The following IMPACT variants were observed in gnomAD, a reference collection of about 807,000 sequenced individuals.
IMPACT encodes protein IMPACT.
In IMPACT, 35 loss-of-function variants were observed where a neutral mutation model predicts 47.5. The observed-to-expected ratio is 0.74, with a 90% CI of 0.56 to 0.98. IMPACT has a LOEUF of 0.98. Ranked by LOEUF, IMPACT falls within the 50% of genes least tolerant of loss-of-function variation. IMPACT has a pLI of 0.00. For synonymous variants in IMPACT, 118 were observed against 125.6 expected, an observed-to-expected ratio of 0.94 and a Z score of 0.40; for missense variants, 373 against 394.8, an observed-to-expected ratio of 0.94 and a Z score of 0.47.
chr18:24,451,443 A>G lies in IMPACT; in HGVS notation c.*596A>G, dbSNP rs1909381744. On this transcript the variant is annotated 3_prime_UTR_variant, in exon 11 of 11. Transcript: ENST00000284202. ...GTGCTGAGGTGATAATTCATCCAAC[A>G]TATTTGTTAGCATAAATATTATGCT... 2 of 152,328 alleles carry G rather than the reference A, an allele frequency of 1.3e-5. No individual in the cohort carries two copies. The highest frequency in any genetic ancestry group is 4.1e-4 in the South Asian group (2 of 4,824). 9.4% of individuals were successfully genotyped at this position (152,328 alleles called of 1,614,324 possible).
At position 24,430,888 on chromosome 18, in the gene IMPACT, A is replaced by C. The variant is rs561002083; in HGVS notation, c.281+504A>C. ...GAATGAAATTGATTACAGAATCCTA[A>C]GCATAATTATTTCTTAAATGTCTAT... On this transcript the variant is annotated intron_variant, in intron 4 of 10. Coordinates refer to ENST00000284202, the MANE Select transcript of IMPACT (RefSeq NM_018439.4). 5.1e-3 allele frequency among the ~76,000 whole-genome samples: 773 copies of C among 152,364 alleles called. 2 individuals are homozygous for C. Among genetic ancestry groups the C allele is most frequent in the South Asian group, 0.027 (132 of 4,830 alleles).
chr18:24,444,420 C>T (rs1223935697), intron 7 of IMPACT, among the ~76,000 whole-genome samples: 1 of 152,198 alleles, frequency 6.6e-6, no homozygotes, highest in Non-Finnish European at 1.5e-5. Flanking sequence ...TCAGTCTTCC[C>T]TGCCACCAAT....
At position 24,426,749 on chromosome 18, in the gene IMPACT, G is replaced by C. The variant is rs766600518; in HGVS notation, c.-8G>C. On this transcript the variant is annotated 5_prime_UTR_variant, in exon 1 of 11. Coordinates refer to ENST00000284202, the MANE Select transcript of IMPACT (RefSeq NM_018439.4). ...AGGCGGCGGCTGCAGGGCAGGTCCAGGGGCCACATGGCTGAGGGGGACGCA... is the reference window on the plus strand; with the variant it reads ...AGGCGGCGGCTGCAGGGCAGGTCCACGGGCCACATGGCTGAGGGGGACGCA... 227 of 1,244,442 alleles carry C rather than the reference G, an allele frequency of 1.8e-4. No individual in the cohort carries two copies. The highest frequency in any genetic ancestry group is 2.3e-4 in the Non-Finnish European group (226 of 992,654). The allele number at this position is 1,244,442 out of a possible 1,614,324, so 77.1% of individuals were successfully genotyped here.
rs762588577 is a variant in IMPACT at position 24,449,802 on chromosome 18, C to T, written c.760-17C>T. 6.9e-6 allele frequency: 11 copies of T among 1,604,096 alleles called. No individual in the cohort carries two copies. The highest frequency in any genetic ancestry group is 8.5e-6 in the Non-Finnish European group (10 of 1,172,504). On this transcript the variant is annotated splice_polypyrimidine_tract_variant and intron_variant, in intron 9 of 10. Transcript: ENST00000284202. ...ATGTCTGTCTATGTATCTAATTATG[C>T]TTCCAAAAAATAACAGATTTTGAAT...
chr18:24,439,846 C>T (rs1321788157), intron 5 of IMPACT, among the ~76,000 whole-genome samples: 1 of 152,016 alleles, frequency 6.6e-6, no homozygotes, highest in African/African-American at 2.4e-5. Flanking sequence ...GTACTGTGGC[C>T]TAGACAAGTT....
chr18:24,450,803 A>G lies in IMPACT; in HGVS notation c.919A>G (p.Lys307Glu). ...SPEESSKALG[K>E]NKKVRKDKKR... is the part of the protein sequence containing the mutation. ...GGAGGAGTCATCTAAGGCTTTGGGAAAGAACAAAAAAGTAAGAAAAGACAA... is the reference window on the plus strand; with the variant it reads ...GGAGGAGTCATCTAAGGCTTTGGGAGAGAACAAAAAAGTAAGAAAAGACAA... The change falls in exon 11 of 11, where the codon AAG becomes GAG. Residue 307 changes from lysine (K) to glutamate (E), a missense_variant. Transcript: ENST00000284202. The G allele has an allele frequency of 6.2e-7, 1 of 1,610,978 alleles. No individual in the cohort carries two copies. Among genetic ancestry groups the G allele is most frequent in the Non-Finnish European group, 8.5e-7 (1 of 1,177,498 alleles).
At chr18:24,443,000 A>G in intron 6 of IMPACT, 49 bp from the exon 7 acceptor site, 1 of 993,616 alleles carries the variant, frequency 1.0e-6, no homozygotes, top group South Asian at 1.4e-5. Context: ...TTTTTTCAGT[A>G]TTTGAATGTA....
chr18:24,436,435 C>T (rs550853516), intron 4 of IMPACT, among the ~76,000 whole-genome samples: 6 of 151,942 alleles, frequency 3.9e-5, no homozygotes, highest in African/African-American at 1.4e-4. Context: ...CTTACAGAAA[C>T]GGAGTCTCGC....
intron 1 of IMPACT, chr18:24,427,701 G>A (rs1043433487): frequency 2.0e-6 from 1 of 508,302 alleles, no homozygotes; most frequent in Non-Finnish European, 3.4e-6. Flanking sequence ...CAGTAATGCA[G>A]TAGCAAGGCT....
chr18:24,429,902 C>A (rs1568084945), intron 3 of IMPACT, among the ~76,000 whole-genome samples: 2 of 152,060 alleles, frequency 1.3e-5, no homozygotes, highest in South Asian at 4.2e-4. Context: ...CTCAGCCTCC[C>A]AAATAGCTGG....
chr18:24,446,108 G>C (rs1480968479), intron 8 of IMPACT, among the ~76,000 whole-genome samples: 10 of 152,080 alleles, frequency 6.6e-5, no homozygotes, highest in Admixed American at 2.6e-4. Flanking sequence ...TTTTGAGACA[G>C]GGTCTCAAAA....
chr18:24,448,384 A>G (rs1164280988), intron 9 of IMPACT, among the ~76,000 whole-genome samples: 1 of 152,230 alleles, frequency 6.6e-6, no homozygotes, highest in South Asian at 2.1e-4. Flanking sequence ...AATAATTAAT[A>G]AGAAGTGCTA....
intron 8 of IMPACT, among the ~76,000 whole-genome samples, chr18:24,446,570 T>G (rs593420): frequency 0.13 from 19,054 of 152,194 alleles, 1,475 homozygotes; most frequent in Non-Finnish European, 0.16. Context: ...AGGGACTTGG[T>G]GTAAATTTAA....
rs925719952 is a variant in IMPACT at position 24,451,787 on chromosome 18, T to C, written c.*940T>C. ...TGTGTAGTTACATCAATTTGATGCA[T>C]GCTTTCCATCTGCACTCCAGACGGC... On this transcript the variant is annotated 3_prime_UTR_variant, in exon 11 of 11. Transcript: ENST00000284202. The C allele has an allele frequency of 6.6e-6, 1 of 152,200 alleles. No homozygotes were observed. Among genetic ancestry groups the C allele is most frequent in the African/African-American group, 2.4e-5 (1 of 41,448 alleles). The allele number at this position is 152,200 out of a possible 1,614,324, so 9.4% of individuals were successfully genotyped here. A position where few individuals can be genotyped will look rare whatever the true frequency, so the allele number is the denominator to read the frequency against.
rs1909369212 is a variant in IMPACT, at chr18:24,450,951, C to G, written c.*104C>G. 1.6e-6 allele frequency: 1 copy of G among 617,174 alleles called. No homozygotes were observed. Among genetic ancestry groups the G allele is most frequent in the South Asian group, 2.6e-5 (1 of 38,074 alleles). 38.2% of individuals were successfully genotyped at this position (617,174 alleles called of 1,614,324 possible). On this transcript the variant is annotated 3_prime_UTR_variant, in exon 11 of 11. Transcript: ENST00000284202. ...AGAGAGTATCCTTGACTGCTTAAGT[C>G]AGCCAGTTCAGCATGGATACCAACA...
chr18:24,440,118 CTG>C (rs1205338513), intron 5 of IMPACT, among the ~76,000 whole-genome samples: 2 of 151,786 alleles, frequency 1.3e-5, no homozygotes, highest in African/African-American at 4.8e-5. Context: ...ATTTATTTAT[CTG>C]TTTATTATTT....
At chr18:24,432,184 A>G (rs1908775403) in intron 4 of IMPACT, among the ~76,000 whole-genome samples, 1 of 152,028 alleles carries the variant, frequency 6.6e-6, no homozygotes, top group Non-Finnish European at 1.5e-5. Flanking sequence ...AGATCATTCT[A>G]TTTTCTGTTT....
At chr18:24,447,714 T>G (rs1240617737) in intron 8 of IMPACT, among the ~76,000 whole-genome samples, 1 of 152,176 alleles carries the variant, frequency 6.6e-6, no homozygotes, top group Non-Finnish European at 1.5e-5. Context: ...CTTACTTCCT[T>G]TATAATATGT....
chr18:24,429,333 G>C (rs1200609972), intron 3 of IMPACT, among the ~76,000 whole-genome samples: 1 of 152,098 alleles, frequency 6.6e-6, no homozygotes, highest in Non-Finnish European at 1.5e-5. Flanking sequence ...GTTTCTCCCT[G>C]CCCCTTTCCC....
Sources: gnomAD v4.1 joint callset for allele counts (sites outside exome capture counted in the v4.1 genomes callset) on GRCh38, gnomAD v4.1.1 for gene constraint, MANE v1.5 for transcripts, NCBI Gene and HGNC (gene_info 2026-07-23, HGNC 2026-07-21) for gene names.